Variants in RAPGEF4 observed in about 807,000 individuals in gnomAD.
RAPGEF4 encodes the protein RAP guanine-nucleotide-exchange factor (GEF) 4.
In RAPGEF4, 66 loss-of-function variants were observed where a neutral mutation model predicts 147.9. The observed-to-expected ratio is 0.45, with a 90% CI of 0.37 to 0.55. The LOEUF is 0.55. RAPGEF4 is among the 20% of genes least tolerant of loss of function. The probability of loss-of-function intolerance (pLI) is 0.00; values close to 1 mark genes in which losing one functional copy is unlikely to be tolerated. For missense variants in RAPGEF4, 1,071 were observed against 1,257.3 expected (o/e 0.85, Z 2.24); for synonymous variants, 419 against 442.7 (o/e 0.95, Z 0.67).
chr2:173,013,972 T>G (rs1416680891), intron 17 of RAPGEF4, among the ~76,000 whole-genome samples: 3 of 152,164 alleles, frequency 2.0e-5, no homozygotes, highest in African/African-American at 7.2e-5. Context: ...CATGCACTCT[T>G]TGTATCAGCC....
chr2:172,845,501 CAA>C (rs1359200205), intron 4 of RAPGEF4, among the ~76,000 whole-genome samples: 1 of 151,718 alleles, frequency 6.6e-6, no homozygotes, highest in Non-Finnish European at 1.5e-5. Context: ...TAGAAGGCAG[CAA>C]AAAAATTGCT....
intron 10 of RAPGEF4, among the ~76,000 whole-genome samples, 186 bp from the exon 11 acceptor site, chr2:172,983,310 A>T (rs942292777): frequency 2.0e-5 from 3 of 152,138 alleles, no homozygotes; most frequent in Non-Finnish European, 4.4e-5. Context: ...ATATCCTTTC[A>T]TCAAGGAACA....
chr2:172,763,995 A>C (rs1696592643), intron 1 of RAPGEF4, among the ~76,000 whole-genome samples: 2 of 152,168 alleles, frequency 1.3e-5, no homozygotes, highest in Non-Finnish European at 2.9e-5. Flanking sequence ...TCACACCTGT[A>C]ATCACAACAC....
intron 10 of RAPGEF4, 52 bp downstream of exon 10, chr2:172,967,496 A>G (rs1404240524): frequency 1.3e-6 from 2 of 1,550,590 alleles, no homozygotes; most frequent in Non-Finnish European, 1.7e-6. Context: ...CGCCTAGTGC[A>G]TAGACATACC....
chr2:172,952,421 A>G (rs1177629316), intron 6 of RAPGEF4, among the ~76,000 whole-genome samples: 1 of 152,218 alleles, frequency 6.6e-6, no homozygotes, highest in Non-Finnish European at 1.5e-5. Flanking sequence ...AGGAGGGAAC[A>G]GTGGTTGAAG....
chr2:173,026,815 T>A, intron 24 of RAPGEF4, 118 bp downstream of exon 24: 1 of 1,364,278 alleles, frequency 7.3e-7, no homozygotes, highest in Admixed American at 2.3e-5. Context: ...GACCATTTTT[T>A]TGCATACTGA....
At chr2:172,995,916 C>T (rs1003096531) in intron 15 of RAPGEF4, among the ~76,000 whole-genome samples, 2 of 152,132 alleles carry the variant, frequency 1.3e-5, no homozygotes, top group Non-Finnish European at 2.9e-5. Flanking sequence ...GTTTGCTCAT[C>T]AGTGTTATGG....
intron 3 of RAPGEF4, among the ~76,000 whole-genome samples, chr2:172,800,077 G>C (rs1686817329): frequency 6.6e-6 from 1 of 152,202 alleles, no homozygotes; most frequent in Admixed American, 6.5e-5. Context: ...AACCAATGCA[G>C]AGAACTTACC....
intron 4 of RAPGEF4, among the ~76,000 whole-genome samples, chr2:172,831,959 C>G (rs1272830160): frequency 6.6e-6 from 1 of 152,174 alleles, no homozygotes; most frequent in Non-Finnish European, 1.5e-5. Context: ...GACAGTGCAG[C>G]TGCCATATAT....
intron 6 of RAPGEF4, among the ~76,000 whole-genome samples, chr2:172,930,018 T>C (rs1299747661): frequency 6.6e-6 from 1 of 152,194 alleles, no homozygotes. Flanking sequence ...TAGCCAGTGC[T>C]GGCCTCTAGT....
intron 2 of RAPGEF4, among the ~76,000 whole-genome samples, chr2:172,795,526 T>C (rs1686275470): frequency 6.6e-6 from 1 of 152,254 alleles, no homozygotes; most frequent in Non-Finnish European, 1.5e-5. Flanking sequence ...TCTTAACTAG[T>C]GCTGATAGTA....
intron 18 of RAPGEF4, among the ~76,000 whole-genome samples, chr2:173,015,385 C>A (rs539921680): frequency 6.6e-6 from 1 of 152,312 alleles, no homozygotes; most frequent in South Asian, 2.1e-4. Context: ...TCTGTTCAGG[C>A]AAAAGGCAAT....
intron 1 of RAPGEF4, among the ~76,000 whole-genome samples, chr2:172,757,142 G>A (rs1695858030): frequency 6.6e-6 from 1 of 152,236 alleles, no homozygotes; most frequent in African/African-American, 2.4e-5. Flanking sequence ...ACAAATGGCT[G>A]AAAGCCAAAC....
chr2:172,974,427 T>C (rs2105576717), intron 10 of RAPGEF4, among the ~76,000 whole-genome samples: 1 of 152,288 alleles, frequency 6.6e-6, no homozygotes, highest in East Asian at 1.9e-4. Context: ...TTCATACCTA[T>C]AGTACTAACA....
chr2:173,020,296 T>C (rs1300804298), intron 22 of RAPGEF4, among the ~76,000 whole-genome samples: 2 of 141,442 alleles, frequency 1.4e-5, no homozygotes, highest in Non-Finnish European at 3.0e-5. Flanking sequence ...GTGATTACCA[T>C]CTGGAAACAT....
chr2:172,933,692 A>C (rs1442011273), intron 6 of RAPGEF4, among the ~76,000 whole-genome samples: 1 of 152,240 alleles, frequency 6.6e-6, no homozygotes, highest in Admixed American at 6.5e-5. Context: ...TTTGGCCCCT[A>C]TTATATGTTA....
At chr2:172,908,560 T>C (rs1337660772) in intron 4 of RAPGEF4, among the ~76,000 whole-genome samples, 1 of 152,260 alleles carries the variant, frequency 6.6e-6, no homozygotes, top group Non-Finnish European at 1.5e-5. Context: ...TGTTGATGCT[T>C]CATGTAGATC....
chr2:172,880,381 T>C (rs1319239744), intron 4 of RAPGEF4, among the ~76,000 whole-genome samples: 1 of 152,252 alleles, frequency 6.6e-6, no homozygotes. Context: ...TAAGTACACA[T>C]TGCATAGTAA....
chr2:173,021,798 T>C (rs1696125627), intron 23 of RAPGEF4, among the ~76,000 whole-genome samples: 1 of 152,110 alleles, frequency 6.6e-6, no homozygotes, highest in Non-Finnish European at 1.5e-5. Flanking sequence ...GAGAGTACCA[T>C]TTTGTGCACT....
Sources: gnomAD v4.1 joint callset for allele counts (sites outside exome capture counted in the v4.1 genomes callset) on GRCh38, gnomAD v4.1.1 for gene constraint, MANE v1.5 for transcripts, NCBI Gene and HGNC (gene_info 2026-07-23, HGNC 2026-07-21) for gene names.